The following ATXN3 variants were observed in gnomAD, a reference collection of about 807,000 sequenced individuals.
ATXN3 encodes ataxin 3, also known as ataxin-3.
In ATXN3, 28 loss-of-function variants were observed where a neutral mutation model predicts 58.2. That is an observed-to-expected ratio of 0.48 (90% CI 0.36 to 0.66). The LOEUF (loss-of-function observed/expected upper bound fraction) is 0.66, where lower values mean the gene tolerates loss of function less well. Ranked by LOEUF, ATXN3 falls within the 30% of genes least tolerant of loss-of-function variation. The pLI is 0.00. For synonymous variants in ATXN3, 113 were observed against 138.5 expected, an observed-to-expected ratio of 0.82 and a Z score of 1.29; for missense variants, 321 against 422.1, an observed-to-expected ratio of 0.76 and a Z score of 2.10.
At chr14:92,094,738 T>C (rs920096033) in intron 3 of ATXN3, among the ~76,000 whole-genome samples, 2 of 152,084 alleles carry the variant, frequency 1.3e-5, no homozygotes, top group South Asian at 2.1e-4. Context: ...AAGACAGAAA[T>C]TGAGTGCAAG....
chr14:92,049,302 A>C (rs2057439908), intron 1 of ATXN3, among the ~76,000 whole-genome samples: 1 of 152,166 alleles, frequency 6.6e-6, no homozygotes, highest in Non-Finnish European at 1.5e-5. Flanking sequence ...CGTCCCCGCA[A>C]TTGACTTGCC....
chr14:92,097,264 G>C (rs2065621715), intron 1 of ATXN3, among the ~76,000 whole-genome samples: 1 of 143,066 alleles, frequency 7.0e-6, no homozygotes, highest in South Asian at 2.2e-4. Context: ...GTCTTGCTCT[G>C]TTGTCCAGGC....
chr14:92,064,258 A>G lies in ATXN3; in HGVS notation c.*62T>C. 8 of 1,226,030 alleles carry G rather than the reference A, an allele frequency of 6.5e-6. No homozygotes were observed. Among genetic ancestry groups the G allele is most frequent in the Non-Finnish European group, 9.4e-6 (8 of 847,888 alleles). 75.9% of individuals were successfully genotyped at this position (1,226,030 alleles called of 1,614,324 possible). A position where few individuals can be genotyped will look rare whatever the true frequency, so the allele number is the denominator to read the frequency against. ...TTGACACATTACCAAAGTGGACCCT[A>G]TGCTGTAATCACACAGGATAATGTT... On this transcript the variant is annotated 3_prime_UTR_variant, in exon 11 of 11. Coordinates refer to ENST00000644486, the MANE Select transcript of ATXN3 (RefSeq NM_004993.6).
Position 92,064,230 on chromosome 14 carries a change from T to C in ATXN3, c.*90A>G, listed in dbSNP as rs2057990063. 3 of 871,984 alleles carry C rather than the reference T, an allele frequency of 3.4e-6. No homozygotes were observed. The highest frequency in any genetic ancestry group is 5.3e-6 in the Non-Finnish European group (3 of 566,392). The allele number at this position is 871,984 out of a possible 1,614,324, so 54.0% of individuals were successfully genotyped here. On this transcript the variant is annotated 3_prime_UTR_variant, in exon 11 of 11. Transcript: ENST00000644486. ...CCGCTAAAAGTCTTATTTCCTCATC[T>C]CTTTGACACATTACCAAAGTGGACC...
At chr14:92,091,770 T>TG (rs2063870953) in intron 5 of ATXN3, among the ~76,000 whole-genome samples, 5 of 152,108 alleles carry the variant, frequency 3.3e-5, no homozygotes, top group African/African-American at 1.2e-4. Flanking sequence ...CGATCATGAT[T>TG]CACTGCAGGC....
rs111950372 is a variant in ATXN3 at position 92,103,278 on chromosome 14, T to C, written c.24+3251A>G. Among the ~76,000 whole-genome samples the C allele has an allele frequency of 4.8e-3, 719 of 150,838 alleles. 2 individuals are homozygous for C. The highest frequency in any genetic ancestry group is 0.018 in the South Asian group (85 of 4,772). On this transcript the variant is annotated intron_variant, in intron 1 of 10. Coordinates refer to ENST00000644486, the MANE Select transcript of ATXN3 (RefSeq NM_004993.6). ...TAGCTAAGAATGCACTTTACATTTT[T>C]ACATGGTTGGGAAAAACATGCACAA...
At chr14:92,071,366 C>T (rs1044845723) in intron 9 of ATXN3, 9 of 435,228 alleles carry the variant, frequency 2.1e-5, no homozygotes, top group Non-Finnish European at 3.9e-5. Context: ...GAGGCCGAGG[C>T]GGGTGGATGG....
intron 7 of ATXN3, among the ~76,000 whole-genome samples, chr14:92,082,696 T>C (rs887520390): frequency 3.3e-5 from 5 of 149,914 alleles, no homozygotes; most frequent in African/African-American, 1.2e-4. Flanking sequence ...TCGACCAGGC[T>C]GGAGTGCGGT....
At chr14:92,096,882 A>C in intron 1 of ATXN3, 44 bp from the exon 2 acceptor site, 1 of 1,526,994 alleles carries the variant, frequency 6.5e-7, no homozygotes. Flanking sequence ...CTTGTTAAAC[A>C]GAATTGTATA....
intron 1 of ATXN3, among the ~76,000 whole-genome samples, chr14:92,103,105 A>T (rs963173685): frequency 1.5e-5 from 2 of 129,618 alleles, no homozygotes; most frequent in Admixed American, 1.7e-4. Context: ...CATCAGCAAG[A>T]GGATTAAAAA....
intron 1 of ATXN3, among the ~76,000 whole-genome samples, chr14:92,048,243 G>A (rs1595425039): frequency 3.3e-5 from 5 of 152,342 alleles, no homozygotes; most frequent in Admixed American, 3.3e-4. Context: ...AAGGTCTTGT[G>A]TGCTGGAGAT....
chr14:92,063,397 G>C lies in ATXN3; in HGVS notation c.*923C>G, dbSNP rs1029974209. On this transcript the variant is annotated 3_prime_UTR_variant, in exon 11 of 11. Coordinates refer to ENST00000644486, the MANE Select transcript of ATXN3 (RefSeq NM_004993.6). ...TTTCATGTATCATACATTCATGGTG[G>C]GTACGTATGTTTAGTCTTCTAACAG... 18 of 152,108 alleles carry C rather than the reference G, an allele frequency of 1.2e-4. No individual in the cohort carries two copies. Among genetic ancestry groups the C allele is most frequent in the African/African-American group, 3.9e-4 (16 of 41,484 alleles). 9.4% of individuals were successfully genotyped at this position (152,108 alleles called of 1,614,324 possible). A position where few individuals can be genotyped will look rare whatever the true frequency, so the allele number is the denominator to read the frequency against.
Position 92,061,379 on chromosome 14 carries a change from C to T in ATXN3, c.*2941G>A, listed in dbSNP as rs532483134. 3.9e-5 allele frequency: 6 copies of T among 151,928 alleles called. No individual in the cohort carries two copies. Among genetic ancestry groups the T allele is most frequent in the African/African-American group, 1.5e-4 (6 of 41,352 alleles). 9.4% of individuals were successfully genotyped at this position (151,928 alleles called of 1,614,324 possible). On this transcript the variant is annotated 3_prime_UTR_variant, in exon 11 of 11. Coordinates refer to ENST00000644486, the MANE Select transcript of ATXN3 (RefSeq NM_004993.6). The stretch of plus-strand genomic sequence containing the variant: ...ATTACTGAAATATTTACATGATTAC[C>T]GTAAAAAACATAGATTGATGGTTTT...
chr14:92,087,193 T>A (rs56402719), intron 6 of ATXN3, among the ~76,000 whole-genome samples: 70 of 152,234 alleles, frequency 4.6e-4, no homozygotes, highest in Admixed American at 9.8e-4. Flanking sequence ...CATAATTTTT[T>A]ATAAACACCT....
At chr14:92,092,942 A>G (rs1039545381) in intron 5 of ATXN3, among the ~76,000 whole-genome samples, 1 of 151,302 alleles carries the variant, frequency 6.6e-6, no homozygotes, top group African/African-American at 2.4e-5. Context: ...AGTTCACTGC[A>G]GCCTCAAACT....
At chr14:92,047,445 G>A (rs185407560) in intron 2 of ATXN3, among the ~76,000 whole-genome samples, 1 of 152,190 alleles carries the variant, frequency 6.6e-6, no homozygotes, top group African/African-American at 2.4e-5. Flanking sequence ...AGCCAGTTGT[G>A]GGATGGAATA....
In ATXN3 at chr14:92,082,396, C is replaced by G. The variant is rs889026927; in HGVS notation, c.679G>C (p.Glu227Gln). The change falls in exon 8 of 11, where the codon GAG becomes CAG. Residue 227 changes from glutamate to glutamine, a missense_variant. Glu to Gln is a conservative substitution (Grantham distance 29, BLOSUM62 2). This residue lies in a region of ATXN3 where 200 missense variants were observed against 223.2 expected (regional missense o/e 0.90). Transcript: ENST00000644486. ...AGTGCCAGAGCCCTCTGCAAATCCT[C>G]CTCATCTTCGTCTAACATTCCTGAG... ...DGSGMLDEDE[E>Q]DLQRALALSR... is the part of the protein sequence containing the mutation. 2 of 1,614,040 alleles carry G rather than the reference C, an allele frequency of 1.2e-6. No individual in the cohort carries two copies. The highest frequency in any genetic ancestry group is 1.7e-6 in the Non-Finnish European group (2 of 1,180,026).
chr14:92,048,529 T>C (rs1157468409), intron 1 of ATXN3, among the ~76,000 whole-genome samples: 1 of 152,228 alleles, frequency 6.6e-6, no homozygotes, highest in Non-Finnish European at 1.5e-5. Flanking sequence ...GGCCATGAAC[T>C]GGGTTGAGTT....
At chr14:92,106,503 G>A (rs754121865) in intron 1 of ATXN3, 26 bp downstream of exon 1, 4 of 1,613,126 alleles carry the variant, frequency 2.5e-6, no homozygotes, top group Non-Finnish European at 3.4e-6. Context: ...GCGGCAGACA[G>A]CTCCCCACCG....
Sources: gnomAD v4.1 joint callset for allele counts (sites outside exome capture counted in the v4.1 genomes callset) on GRCh38, gnomAD v4.1.1 for gene constraint, gnomAD v4.1.1 regional missense constraint, MANE v1.5 for transcripts, NCBI Gene and HGNC (gene_info 2026-07-23, HGNC 2026-07-21) for gene names.